Variants in PLSCR4 observed in about 807,000 individuals in gnomAD.
PLSCR4 encodes phospholipid scramblase 4.
PLSCR4 carries 25 observed loss-of-function variants against 36.3 expected under a neutral mutation model. The observed-to-expected ratio is 0.69, with a 90% CI of 0.50 to 0.96. PLSCR4 has a LOEUF of 0.96. PLSCR4 is among the 40% of genes least tolerant of loss of function. PLSCR4 has a pLI of 0.00. For missense variants in PLSCR4, 408 were observed against 414.7 expected (o/e 0.98, Z 0.14); for synonymous variants, 122 against 132.9 (o/e 0.92, Z 0.56).
chr3:146,223,817 T>C (rs995652192), intron 1 of PLSCR4: 3 of 147,494 alleles, frequency 2.0e-5, no homozygotes, highest in Non-Finnish European at 4.5e-5. Flanking sequence ...AACATATATA[T>C]TTACTTTTAT....
intron 1 of PLSCR4, among the ~76,000 whole-genome samples, chr3:146,247,411 GGTTTT>G (rs914871087): frequency 3.3e-5 from 5 of 151,598 alleles, no homozygotes; most frequent in Non-Finnish European, 5.9e-5. Context: ...AAAAAAAATT[GGTTTT>G]ATTTTCCATA....
chr3:146,236,716 G>C (rs147325969), intron 1 of PLSCR4, among the ~76,000 whole-genome samples: 2 of 152,068 alleles, frequency 1.3e-5, no homozygotes, highest in East Asian at 3.9e-4. Context: ...CCGTTAAACC[G>C]CTTTCTTTTG....
At chr3:146,232,874 T>C (rs2035773154) in intron 1 of PLSCR4, among the ~76,000 whole-genome samples, 1 of 151,642 alleles carries the variant, frequency 6.6e-6, no homozygotes, top group South Asian at 2.1e-4. Flanking sequence ...CCTAAAGAGG[T>C]TTTTTACTGT....
At chr3:146,203,814 A>T (rs953482700) in intron 4 of PLSCR4, among the ~76,000 whole-genome samples, 1 of 152,002 alleles carries the variant, frequency 6.6e-6, no homozygotes, top group Non-Finnish European at 1.5e-5. Context: ...AACTTTCTCC[A>T]TATCAGCAAT....
chr3:146,194,500 G>T, intron 8 of PLSCR4, 45 bp from the exon 9 acceptor site: 2 of 1,158,758 alleles, frequency 1.7e-6, no homozygotes, highest in Non-Finnish European at 2.6e-6. Flanking sequence ...AGATAATTAG[G>T]TATAATGCAT....
chr3:146,199,336 C>G (rs927461278), intron 6 of PLSCR4, among the ~76,000 whole-genome samples: 1 of 152,102 alleles, frequency 6.6e-6, no homozygotes, highest in Non-Finnish European at 1.5e-5. Flanking sequence ...TAGTTCCAGC[C>G]CTGTCCTTAG....
At chr3:146,224,307 C>T (rs2035331073) in intron 1 of PLSCR4, among the ~76,000 whole-genome samples, 1 of 152,200 alleles carries the variant, frequency 6.6e-6, no homozygotes, top group Admixed American at 6.5e-5. Flanking sequence ...TATAGCTGTG[C>T]ACGTGGACAG....
At chr3:146,249,487 C>T (rs2036466467) in intron 1 of PLSCR4, among the ~76,000 whole-genome samples, 1 of 152,026 alleles carries the variant, frequency 6.6e-6, no homozygotes, top group Non-Finnish European at 1.5e-5. Flanking sequence ...TCTTCAGTTT[C>T]ATTTACACAT....
intron 3 of PLSCR4, among the ~76,000 whole-genome samples, chr3:146,209,347 TCA>T (rs2034504306): frequency 6.6e-6 from 1 of 151,940 alleles, no homozygotes; most frequent in Non-Finnish European, 1.5e-5. Context: ...CACTAGAATC[TCA>T]CAAAATATCA....
In PLSCR4 at chr3:146,199,459, CAT is replaced by C. The variant is rs569084004; in HGVS notation, c.624+352_624+353del. On this transcript the variant is annotated intron_variant, in intron 6 of 8. Coordinates refer to ENST00000354952, the MANE Select transcript of PLSCR4 (RefSeq NM_020353.3). ...TTTAAGTCCCTTCCAATTCTAAAAG[CAT>C]ATGTTTATCTTTAGCATTGCTTTAT... is the stretch of plus-strand genomic sequence containing the variant. Among the ~76,000 whole-genome samples the C allele has an allele frequency of 1.5e-3, 234 of 152,144 alleles. 2 individuals are homozygous for C. Among genetic ancestry groups the C allele is most frequent in the Non-Finnish European group, 2.2e-3 (148 of 67,998 alleles).
intron 1 of PLSCR4, among the ~76,000 whole-genome samples, chr3:146,246,005 A>G (rs2036322554): frequency 6.6e-6 from 1 of 152,088 alleles, no homozygotes; most frequent in African/African-American, 2.4e-5. Context: ...TGAGTGGATT[A>G]AAGTCCAATG....
At chr3:146,239,180 AT>A (rs1411910843) in intron 1 of PLSCR4, among the ~76,000 whole-genome samples, 1 of 152,216 alleles carries the variant, frequency 6.6e-6, no homozygotes, top group African/African-American at 2.4e-5. Flanking sequence ...ATGAAACAAA[AT>A]CACTATCAAA....
At chr3:146,197,395 G>A (rs953574786) in intron 6 of PLSCR4, among the ~76,000 whole-genome samples, 2 of 152,088 alleles carry the variant, frequency 1.3e-5, no homozygotes, top group Non-Finnish European at 2.9e-5. Context: ...CTGTAAAACG[G>A]TCCTCTGTCT....
chr3:146,199,510 G>C (rs1165337848), intron 6 of PLSCR4, among the ~76,000 whole-genome samples: 1 of 152,092 alleles, frequency 6.6e-6, no homozygotes, highest in Non-Finnish European at 1.5e-5. Flanking sequence ...CGTACATTTA[G>C]ATAAATGTGG....
At chr3:146,224,340 A>G (rs1352061453) in intron 1 of PLSCR4, among the ~76,000 whole-genome samples, 2 of 152,228 alleles carry the variant, frequency 1.3e-5, no homozygotes, top group Non-Finnish European at 2.9e-5. Flanking sequence ...AAATTATAGC[A>G]CAACAGAAAA....
intron 4 of PLSCR4, among the ~76,000 whole-genome samples, chr3:146,203,076 C>T (rs551326517): frequency 4.3e-4 from 65 of 152,138 alleles, no homozygotes; most frequent in African/African-American, 1.5e-3. Flanking sequence ...TTGACCTCTT[C>T]CCATGAATCA....
Position 146,199,816 on chromosome 3 carries a change from T to A in PLSCR4, c.621A>T (p.Gln207His). Residue 207 changes from glutamine to histidine, a missense_variant, in exon 6 of 9, where the codon CAA (glutamine) becomes CAT (histidine). By Grantham distance (24) the Gln-to-His change is conservative (BLOSUM62 0). Transcript: ENST00000354952. Reference protein sequence around the residue: ...CCCFCCPSARQELEVQCPPGV... With the variant: ...CCCFCCPSARHELEVQCPPGV... ...GATCAGACTTCCATTCTCTGACCTC[T>A]TGTCTGGCAGAGGGGCAACAGAAGC... The A allele has an allele frequency of 6.2e-7, 1 of 1,611,760 alleles. No individual in the cohort carries two copies. Among genetic ancestry groups the A allele is most frequent in the Non-Finnish European group, 8.5e-7 (1 of 1,178,392 alleles).
At chr3:146,239,439 T>C (rs1301224147) in intron 1 of PLSCR4, among the ~76,000 whole-genome samples, 1 of 150,546 alleles carries the variant, frequency 6.6e-6, no homozygotes, top group African/African-American at 2.4e-5. Context: ...TTATGGGTAA[T>C]TGATTTTTGA....
At chr3:146,223,948 T>A (rs868062074) in intron 1 of PLSCR4, among the ~76,000 whole-genome samples, 1 of 136,052 alleles carries the variant, frequency 7.4e-6, no homozygotes, top group Admixed American at 7.7e-5. Flanking sequence ...ATAATAATTA[T>A]AAATAATAAA....
Sources: allele counts gnomAD v4.1 joint callset (sites outside exome capture counted in the v4.1 genomes callset), GRCh38; gene constraint gnomAD v4.1.1; transcripts MANE v1.5; gene names NCBI Gene and HGNC (gene_info 2026-07-23, HGNC 2026-07-21).